The following DST variants were observed in gnomAD, a reference collection of about 807,000 sequenced individuals.
DST encodes the protein bullous pemphigoid antigen.
DST carries 253 observed loss-of-function variants against 875.2 expected under a neutral mutation model. The observed-to-expected ratio is 0.29, with a 90% CI of 0.26 to 0.32. DST has a LOEUF of 0.32. Ranked by LOEUF, DST falls within the 10% of genes least tolerant of loss-of-function variation. DST has a pLI of 1.00. For missense variants in DST, 8,287 were observed against 9,111.6 expected (o/e 0.91, Z 3.68); for synonymous variants, 3,124 against 3,197.1 (o/e 0.98, Z 0.77).
At chr6:56,589,174 T>C (rs2098222822) in intron 49 of DST, among the ~76,000 whole-genome samples, 1 of 152,224 alleles carries the variant, frequency 6.6e-6, no homozygotes, top group Non-Finnish European at 1.5e-5. Context: ...AAAGTGATCA[T>C]GGTTCTATTA....
chr6:56,822,208 T>C (rs1328432791), intron 4 of DST, among the ~76,000 whole-genome samples: 1 of 152,146 alleles, frequency 6.6e-6, no homozygotes, highest in African/African-American at 2.4e-5. Flanking sequence ...ATTTATGAAA[T>C]CACAGTTTTG....
chr6:56,576,852 T>C (rs2097873073), intron 50 of DST, among the ~76,000 whole-genome samples: 2 of 152,126 alleles, frequency 1.3e-5, no homozygotes, highest in South Asian at 4.1e-4. Context: ...CAGCCTGTTC[T>C]CTGATTTCCA....
intron 4 of DST, among the ~76,000 whole-genome samples, chr6:56,760,095 T>A (rs1464398970): frequency 2.0e-5 from 3 of 152,208 alleles, no homozygotes; most frequent in African/African-American, 7.2e-5. Context: ...AAAATAACTT[T>A]GAGAGAACAC....
In DST at chr6:56,758,013, G is replaced by A. The variant is rs535470204; in HGVS notation, c.626-22724C>T. Among the ~76,000 whole-genome samples the A allele has an allele frequency of 3.3e-5, 5 of 152,244 alleles. No homozygotes were observed. In the East Asian group the frequency reaches 9.6e-4, roughly 29 times the overall value. ...CCTACTACTAAGAGCTCTTTGAAAT[G>A]GAAAATTTCCCAGGAAAGAAACAAC... On this transcript the variant is annotated intron_variant, in intron 4 of 103. Transcript: ENST00000680361.
At chr6:56,733,905 A>T (rs1200580673) in intron 5 of DST, among the ~76,000 whole-genome samples, 1 of 152,230 alleles carries the variant, frequency 6.6e-6, no homozygotes, top group Non-Finnish European at 1.5e-5. Context: ...ATAATATTAA[A>T]TTTAAGTTAA....
At chr6:56,468,554 G>A (rs2094708874) in intron 98 of DST, among the ~76,000 whole-genome samples, 1 of 152,134 alleles carries the variant, frequency 6.6e-6, no homozygotes, top group African/African-American at 2.4e-5. Context: ...GTCTTCCTGT[G>A]TCACTGCCTG....
chr6:56,836,254 T>C lies in DST; in HGVS notation c.625+15143A>G, dbSNP rs546444727. ...TCAATATAATGACACTAAAAATATA[T>C]AGTTTAGGCCAAATATACATTTGAT... On this transcript the variant is annotated intron_variant, in intron 4 of 103. Coordinates refer to ENST00000680361, the MANE Select transcript of DST (RefSeq NM_001374736.1). Among the ~76,000 whole-genome samples the C allele has an allele frequency of 3.3e-5, 5 of 152,300 alleles. No homozygotes were observed. The South Asian group carries it at 8.3e-4, about 25-fold the overall frequency.
rs1340234212 is a variant in DST at position 56,607,267 on chromosome 6, G to T, written c.7361C>A (p.Thr2454Lys). 6.2e-7 allele frequency: 1 copy of T among 1,613,422 alleles called. No individual in the cohort carries two copies. Among genetic ancestry groups the T allele is most frequent in the Admixed American group, 1.7e-5 (1 of 59,930 alleles). Residue 2454 changes from threonine to lysine, a missense_variant, in exon 40 of 104, where the codon ACA (threonine) becomes AAA (lysine). Thr to Lys is a moderately conservative substitution (Grantham distance 78). Transcript: ENST00000680361. ...ATTTCCATTGCTCTCTGGGGTGTGT[G>T]TATCATTAAAACTTCCCTGACTGTG... ...LMHSQGSFND[T>K]HTPESNGNKC...
At chr6:56,732,233 T>C (rs1210711949) in intron 5 of DST, among the ~76,000 whole-genome samples, 1 of 152,200 alleles carries the variant, frequency 6.6e-6, no homozygotes, top group East Asian at 1.9e-4. Context: ...TTTGAAAATA[T>C]AGAGTGGCAT....
At position 56,772,492 on chromosome 6, in the gene DST, C is replaced by T. The variant is rs75576285; in HGVS notation, c.626-37203G>A. Among the ~76,000 whole-genome samples, 1,187 of 152,140 alleles carry T rather than the reference C, an allele frequency of 7.8e-3. 15 individuals carry two copies. The highest frequency in any genetic ancestry group is 0.027 in the African/African-American group (1,125 of 41,504). On this transcript the variant is annotated intron_variant, in intron 4 of 103. Transcript: ENST00000680361. ...CTGCAACTGATTAGCCATGTGATTC[C>T]GATCAAGTCATTATCTTTCGGGATC... is the stretch of plus-strand genomic sequence containing the variant.
At chr6:56,808,545 T>C (rs975196416) in intron 4 of DST, among the ~76,000 whole-genome samples, 1 of 152,250 alleles carries the variant, frequency 6.6e-6, no homozygotes, top group East Asian at 1.9e-4. Flanking sequence ...TATGTTGTAA[T>C]TGTTTCCTAA....
rs778473715 is a variant in DST at position 56,602,924 on chromosome 6, A to G, written c.11265T>C (p.Val3755=). ...GTTTCTTTACATACTCAGAATCTTG[A>G]ACATTCACAATCTCAATATCCTTCA... is the stretch of plus-strand genomic sequence containing the variant. The part of the protein sequence containing the change: ...KSVKDIEIVN[V]QDSEYVKKRL... Residue 3755 remains valine, a synonymous_variant, in exon 43 of 104, where the codon GTT becomes GTC. Coordinates refer to ENST00000680361, the MANE Select transcript of DST (RefSeq NM_001374736.1). 1.9e-6 allele frequency: 3 copies of G among 1,577,180 alleles called. No individual in the cohort carries two copies. In the South Asian group the frequency reaches 3.6e-5, roughly 19 times the overall value.
At chr6:56,939,795 C>T (rs9464410) in intron 2 of DST, among the ~76,000 whole-genome samples, 4 of 152,084 alleles carry the variant, frequency 2.6e-5, no homozygotes, top group South Asian at 4.1e-4. Context: ...GAGGCCGAGG[C>T]GGCTGGATCA....
At chr6:56,782,411 G>C (rs1490627956) in intron 4 of DST, among the ~76,000 whole-genome samples, 2 of 152,078 alleles carry the variant, frequency 1.3e-5, no homozygotes, top group Non-Finnish European at 2.9e-5. Context: ...GCCTGTTATT[G>C]GTCTATTCAG....
At chr6:56,730,957 T>C (rs1296774533) in intron 5 of DST, among the ~76,000 whole-genome samples, 2 of 152,308 alleles carry the variant, frequency 1.3e-5, no homozygotes, top group East Asian at 3.9e-4. Context: ...TTTAATTAAT[T>C]AGCCGATTTG....
At chr6:56,788,344 G>A (rs2099709467) in intron 4 of DST, among the ~76,000 whole-genome samples, 1 of 151,568 alleles carries the variant, frequency 6.6e-6, no homozygotes, top group African/African-American at 2.4e-5. Flanking sequence ...TGGGACTATA[G>A]GTGTGCACCA....
intron 73 of DST, among the ~76,000 whole-genome samples, 164 bp downstream of exon 73, chr6:56,511,033 T>C (rs1488937069): frequency 6.6e-6 from 1 of 152,198 alleles, no homozygotes; most frequent in African/African-American, 2.4e-5. Flanking sequence ...AGATAAAGGC[T>C]GGATGCAAGC....
chr6:56,855,938 AG>A (rs1767644218), intron 3 of DST, among the ~76,000 whole-genome samples: 1 of 152,244 alleles, frequency 6.6e-6, no homozygotes, highest in Non-Finnish European at 1.5e-5. Context: ...GGCCCCAGCC[AG>A]GAATTCATTT....
intron 5 of DST, among the ~76,000 whole-genome samples, chr6:56,713,107 C>T (rs1370211912): frequency 2.0e-5 from 3 of 152,184 alleles, no homozygotes; most frequent in African/African-American, 7.2e-5. Context: ...TTAAAGAAAT[C>T]TTAATCATGG....
Sources: gnomAD v4.1 joint callset for allele counts (sites outside exome capture counted in the v4.1 genomes callset) on GRCh38, gnomAD v4.1.1 for gene constraint, MANE v1.5 for transcripts, NCBI Gene and HGNC (gene_info 2026-07-23, HGNC 2026-07-21) for gene names.